BTBD18: variants seen among roughly 807,000 people sequenced by gnomAD.
BTBD18 encodes the protein BTB domain containing 18, also known as BTB/POZ domain-containing protein 18.
For missense variants in BTBD18, 787 were observed against 846.3 expected, an observed-to-expected ratio of 0.93 and a Z score of 0.87; for synonymous variants, 311 against 324.4, an observed-to-expected ratio of 0.96 and a Z score of 0.44.
intron 2 of BTBD18, among the ~76,000 whole-genome samples, chr11:57,746,812 A>AAG (rs1430650153): frequency 6.6e-6 from 1 of 151,186 alleles, no homozygotes; most frequent in African/African-American, 2.4e-5. Context: ...CTCCAAAAAA[A>AAG]AAAAAAAAAA....
chr11:57,746,240 C>T, intron 2 of BTBD18, 92 bp from the exon 3 acceptor site: 1 of 986,280 alleles, frequency 1.0e-6, no homozygotes, highest in Non-Finnish European at 1.4e-6. Flanking sequence ...ACTGCCCCTT[C>T]TTTTATTTTC....
intron 2 of BTBD18, among the ~76,000 whole-genome samples, chr11:57,749,473 G>A (rs971392320): frequency 6.6e-6 from 1 of 152,158 alleles, no homozygotes; most frequent in Admixed American, 6.6e-5. Context: ...GACATGGCCG[G>A]GTGTGTGGCT....
At chr11:57,749,388 TC>T (rs1949255051) in intron 2 of BTBD18, among the ~76,000 whole-genome samples, 1 of 152,186 alleles carries the variant, frequency 6.6e-6, no homozygotes, top group African/African-American at 2.4e-5. Context: ...TTAACTGTAG[TC>T]CTCAACTCAT....
At chr11:57,752,771 G>A (rs190027348), upstream of BTBD18, among the ~76,000 whole-genome samples, 1 of 152,204 alleles carries the variant, frequency 6.6e-6, no homozygotes, top group Admixed American at 6.5e-5. Flanking sequence ...TGCGCAGGTG[G>A]GCCAACGGCT....
At position 57,751,747 on chromosome 11, in the gene BTBD18, TATAATCTTCA is replaced by T. The variant is rs1293194793; in HGVS notation, c.-265_-256del. On this transcript the variant is annotated 5_prime_UTR_variant, in exon 1 of 3. Transcript: ENST00000422652. ...GAGCACCACATCCCAGCTCCACAGG[TATAATCTTCA>T]AGTTAACACTTTTAAGGAAACATTA... 6.6e-6 allele frequency: 1 copy of T among 152,212 alleles called. No individual in the cohort carries two copies. Among genetic ancestry groups the T allele is most frequent in the Non-Finnish European group, 1.5e-5 (1 of 68,068 alleles). The allele number at this position is 152,212 out of a possible 1,614,324, so 9.4% of individuals were successfully genotyped here.
rs1051273743 is a variant in BTBD18, at chr11:57,745,812, G to A, written c.461C>T (p.Ala154Val). 6.4e-7 allele frequency: 1 copy of A among 1,551,574 alleles called. No homozygotes were observed. The highest frequency in any genetic ancestry group is 1.4e-5 in the African/African-American group (1 of 73,122). The stretch of plus-strand genomic sequence containing the variant: ...GTGGTGGCTGGGTGTCACCACTCTG[G>A]CAGAGATTGGTGCAGCACTTGTTGG... ...LQPTSAAPIS[A>V]RVVTPSHHPH... Residue 154 changes from alanine to valine, a missense_variant, in exon 3 of 3, where the codon GCC becomes GTC. Ala to Val is a moderately conservative substitution (Grantham distance 64). Coordinates refer to ENST00000422652, the MANE Select transcript of BTBD18 (RefSeq NM_001145101.3).
chr11:57,750,247 C>G (rs766729302), intron 2 of BTBD18, among the ~76,000 whole-genome samples: 1 of 151,914 alleles, frequency 6.6e-6, no homozygotes, highest in Non-Finnish European at 1.5e-5. Context: ...TGTGGTGGCA[C>G]GCACCTGTAG....
In BTBD18 at chr11:57,745,690, GGTT is replaced by G. The variant is rs1375901878; in HGVS notation, c.580_582del (p.Asn194del). The stretch of plus-strand genomic sequence containing the variant: ...CCAGACAAATTGTCTGCATTCTGTC[GGTT>G]GTTTTCCTGGGGCCCCTCTTCCTTC... On this transcript the variant is annotated inframe_deletion, in exon 3 of 3. Transcript: ENST00000422652. The G allele has an allele frequency of 6.4e-7, 1 of 1,551,636 alleles. No homozygotes were observed. Among genetic ancestry groups the G allele is most frequent in the Non-Finnish European group, 8.7e-7 (1 of 1,146,976 alleles).
chr11:57,752,815 A>T (rs1314228830), upstream of BTBD18, among the ~76,000 whole-genome samples: 1 of 152,208 alleles, frequency 6.6e-6, no homozygotes, highest in Non-Finnish European at 1.5e-5. Flanking sequence ...AAGCAAGGGA[A>T]TCGGTGTTGG....
rs771975160 is a variant in BTBD18, at chr11:57,745,098, TCTC to T, written c.1172_1174del (p.Gly391del). On this transcript the variant is annotated inframe_deletion, in exon 3 of 3. Transcript: ENST00000422652. ...CTGAGTTCCTGAAGGCTCTTGGAAG[TCTC>T]CTCCGGGATCTGGGATCTGGGGGCT... 700 of 1,551,540 alleles carry T rather than the reference TCTC, an allele frequency of 4.5e-4. No homozygotes were observed. Among genetic ancestry groups the T allele is most frequent in the Admixed American group, 9.0e-4 (46 of 50,982 alleles).
chr11:57,749,760 A>G (rs1222101073), intron 2 of BTBD18, among the ~76,000 whole-genome samples: 1 of 151,594 alleles, frequency 6.6e-6, no homozygotes, highest in Admixed American at 6.6e-5. Context: ...AAAAAAAAAA[A>G]AAAAAAAAAA....
In BTBD18 at chr11:57,745,770, G is replaced by T; in HGVS notation, c.503C>A (p.Pro168His). The T allele has an allele frequency of 6.4e-7, 1 of 1,551,630 alleles. No individual in the cohort carries two copies. The highest frequency in any genetic ancestry group is 8.7e-7 in the Non-Finnish European group (1 of 1,146,972). The change falls in exon 3 of 3, where the codon CCC (proline) becomes CAC (histidine). Residue 168 changes from proline to histidine, a missense_variant. Physicochemically the swap from Pro to His is moderately conservative, Grantham distance 77 (BLOSUM62 -2). Transcript: ENST00000422652. ...TPSHHPHTPL[P>H]TNQTPCPLGA... is the part of the protein sequence containing the mutation. Reference sequence around the variant, plus strand: ...AAGAGGACAAGGAGTTTGATTAGTGGGCAGTGGGGTGTGAGGGTGGTGGCT... The same window carrying T: ...AAGAGGACAAGGAGTTTGATTAGTGTGCAGTGGGGTGTGAGGGTGGTGGCT...
At chr11:57,746,328 G>A (rs1949189598) in intron 2 of BTBD18, among the ~76,000 whole-genome samples, 180 bp from the exon 3 acceptor site, 1 of 113,616 alleles carries the variant, frequency 8.8e-6, no homozygotes. Context: ...CTTTTGCCTA[G>A]CTATTTTTTT....
At position 57,745,920 on chromosome 11, in the gene BTBD18, G is replaced by A; in HGVS notation, c.353C>T (p.Ser118Phe). 1 of 1,551,638 alleles carries A rather than the reference G, an allele frequency of 6.4e-7. No individual in the cohort carries two copies. The highest frequency in any genetic ancestry group is 8.7e-7 in the Non-Finnish European group (1 of 1,146,986). ...CTCAAGCTGAAGGGATTCCAGCTCAGACACACGGAGCTGACGGGCAGCAGA... is the reference window on the plus strand; with the variant it reads ...CTCAAGCTGAAGGGATTCCAGCTCAAACACACGGAGCTGACGGGCAGCAGA... ...VLSAARQLRV[S>F]ELESLQLEGG... The change falls in exon 3 of 3, where the codon TCT becomes TTT. Residue 118 changes from serine to phenylalanine, a missense_variant. Coordinates refer to ENST00000422652, the MANE Select transcript of BTBD18 (RefSeq NM_001145101.3).
At chr11:57,746,475 G>A (rs896632930) in intron 2 of BTBD18, among the ~76,000 whole-genome samples, 5 of 151,824 alleles carry the variant, frequency 3.3e-5, no homozygotes, top group Admixed American at 6.6e-5. Context: ...GATTACAGGC[G>A]CATGCTGCCA....
chr11:57,746,132 A>G lies in BTBD18; in HGVS notation c.141T>C (p.Ala47=), dbSNP rs912805842. 4.5e-6 allele frequency: 7 copies of G among 1,546,586 alleles called. No individual in the cohort carries two copies. In the African/African-American group the frequency reaches 5.5e-5, roughly 12 times the overall value. The change falls in exon 3 of 3, where the codon GCT becomes GCC. Residue 47 remains alanine, a synonymous_variant. Coordinates refer to ENST00000422652, the MANE Select transcript of BTBD18 (RefSeq NM_001145101.3). ...LLQAEGEAVP[A]HCCILSACSP... ...TACAAGCTGACAGGATGCAGCAGTG[A>G]GCTGGAACTGCCTCACCTGAAGGGA...
At chr11:57,749,273 AGC>A (rs1565245262) in intron 2 of BTBD18, among the ~76,000 whole-genome samples, 16 of 152,230 alleles carry the variant, frequency 1.1e-4, no homozygotes, top group Non-Finnish European at 1.5e-5. Context: ...TGACCACGGT[AGC>A]AGTGTTTAGC....
chr11:57,744,702 G>A lies in BTBD18; in HGVS notation c.1571C>T (p.Thr524Met), dbSNP rs930604935. ...LESPGAEGCR[T>M]PTYHLTETGK... ...TGTTTCTGTCAGATGGTAGGTAGGCGTTCTGCAGCCCTCAGCCCCTGGACT... is the reference window on the plus strand; with the variant it reads ...TGTTTCTGTCAGATGGTAGGTAGGCATTCTGCAGCCCTCAGCCCCTGGACT... The change falls in exon 3 of 3, where the codon ACG (threonine) becomes ATG (methionine). Residue 524 changes from threonine (T) to methionine (M), a missense_variant. Transcript: ENST00000422652. The A allele has an allele frequency of 7.1e-6, 11 of 1,551,534 alleles. No homozygotes were observed. The East Asian group carries it at 9.8e-5, about 14-fold the overall frequency.
Position 57,745,908 on chromosome 11 carries a change from G to C in BTBD18, c.365C>G (p.Ser122Cys). ...CAACTTTCCACCCTCAAGCTGAAGG[G>C]ATTCCAGCTCAGACACACGGAGCTG... ...ARQLRVSELE[S>C]LQLEGGKLVK... is the part of the protein sequence containing the mutation. Residue 122 changes from serine (S) to cysteine (C), a missense_variant, in exon 3 of 3, where the codon TCC (serine) becomes TGC (cysteine). Transcript: ENST00000422652. 1 of 1,551,644 alleles carries C rather than the reference G, an allele frequency of 6.4e-7. No homozygotes were observed. The highest frequency in any genetic ancestry group is 8.7e-7 in the Non-Finnish European group (1 of 1,146,980).
Sources: gnomAD v4.1 joint callset for allele counts (sites outside exome capture counted in the v4.1 genomes callset) on GRCh38, gnomAD v4.1.1 for gene constraint, MANE v1.5 for transcripts, NCBI Gene and HGNC (gene_info 2026-07-23, HGNC 2026-07-21) for gene names.